The following NAALADL2 variants were observed in gnomAD, a reference collection of about 807,000 sequenced individuals.
NAALADL2 encodes N-acetylated alpha-linked acidic dipeptidase like 2.
A neutral mutation model predicts 87.2 loss-of-function variants in NAALADL2; 76 were observed. The observed-to-expected ratio is 0.87, with a 90% CI of 0.72 to 1.05. NAALADL2 has a LOEUF of 1.05. NAALADL2 is among the 50% of genes least tolerant of loss of function. NAALADL2 has a pLI of 0.00. For missense variants in NAALADL2, 1,089 were observed against 945.8 expected (o/e 1.15, Z -1.99); for synonymous variants, 354 against 331.0 (o/e 1.07, Z -0.75).
At chr3:175,013,301 A>ATGTATATATATATATTTTTTTTTTT (rs1553916905) in intron 1 of NAALADL2, among the ~76,000 whole-genome samples, 1 of 72,066 alleles carries the variant, frequency 1.4e-5, no homozygotes, top group Non-Finnish European at 2.4e-5. Flanking sequence ...ATATATATAT[A>ATGTATATATATATATTTTTTTTTTT]TTTTTTTTTT....
intron 2 of NAALADL2, among the ~76,000 whole-genome samples, chr3:174,705,166 C>T (rs183883108): frequency 5.9e-4 from 90 of 152,198 alleles, no homozygotes; most frequent in African/African-American, 2.1e-3. Context: ...ACACACACAC[C>T]CCACTCACTC....
chr3:175,687,257 A>G (rs1736423286), intron 11 of NAALADL2, among the ~76,000 whole-genome samples: 1 of 152,194 alleles, frequency 6.6e-6, no homozygotes, highest in African/African-American at 2.4e-5. Flanking sequence ...GATTATAATT[A>G]ATGAAAATAA....
chr3:174,822,306 C>A (rs1336187812), intron 3 of NAALADL2, among the ~76,000 whole-genome samples: 1 of 152,092 alleles, frequency 6.6e-6, no homozygotes, highest in East Asian at 1.9e-4. Flanking sequence ...GGAGCTGGTC[C>A]ATTCTCAGAT....
At chr3:175,173,309 AAAAT>A (rs55984097) in intron 2 of NAALADL2, among the ~76,000 whole-genome samples, 48,274 of 138,234 alleles carry the variant, frequency 0.35, 9,404 homozygotes, top group East Asian at 0.51. Context: ...ATAAATAAAT[AAAAT>A]AAATAAATAA....
chr3:174,797,840 T>C (rs933635940), intron 3 of NAALADL2, among the ~76,000 whole-genome samples: 2 of 152,208 alleles, frequency 1.3e-5, no homozygotes, highest in Non-Finnish European at 2.9e-5. Context: ...TTTTTTCATG[T>C]ATTATTTGAA....
intron 5 of NAALADL2, among the ~76,000 whole-genome samples, chr3:175,372,504 T>A (rs1766637104): frequency 6.6e-6 from 1 of 152,214 alleles, no homozygotes; most frequent in African/African-American, 2.4e-5. Flanking sequence ...TCTCTGTCTT[T>A]TCCTCATGGT....
intron 1 of NAALADL2, among the ~76,000 whole-genome samples, chr3:174,481,515 AG>A (rs1444561391): frequency 1.3e-5 from 2 of 152,094 alleles, no homozygotes; most frequent in Non-Finnish European, 2.9e-5. Flanking sequence ...AAGTCTACAC[AG>A]CCAAATTACA....
intron 4 of NAALADL2, among the ~76,000 whole-genome samples, chr3:175,279,722 G>A (rs1754025963): frequency 6.6e-6 from 1 of 151,674 alleles, no homozygotes; most frequent in Non-Finnish European, 1.5e-5. Flanking sequence ...AGGCCAGCAT[G>A]ATTTTTAAAA....
At chr3:175,447,903 C>T (rs554011654) in intron 6 of NAALADL2, among the ~76,000 whole-genome samples, 7 of 152,150 alleles carry the variant, frequency 4.6e-5, no homozygotes, top group Non-Finnish European at 1.0e-4. Flanking sequence ...AGTTAAGCTA[C>T]CTGTGGAGGG....
At chr3:175,219,826 G>T (rs1342718876) in intron 2 of NAALADL2, among the ~76,000 whole-genome samples, 6 of 147,106 alleles carry the variant, frequency 4.1e-5, no homozygotes, top group African/African-American at 1.5e-4. Flanking sequence ...AATTGCTGAA[G>T]TCTTTTAAAA....
intron 1 of NAALADL2, among the ~76,000 whole-genome samples, chr3:175,087,255 C>T (rs115953256): frequency 5.5e-4 from 83 of 152,136 alleles, no homozygotes; most frequent in African/African-American, 1.7e-3. Context: ...AGCCCCTGCC[C>T]GGCCAGCTGC....
At chr3:174,972,533 C>G (rs1356262502) in intron 1 of NAALADL2, among the ~76,000 whole-genome samples, 4 of 152,068 alleles carry the variant, frequency 2.6e-5, no homozygotes, top group African/African-American at 9.7e-5. Flanking sequence ...AGACATTAGT[C>G]AACTGTATTA....
At chr3:175,079,927 C>G (rs2109227062) in intron 1 of NAALADL2, among the ~76,000 whole-genome samples, 1 of 152,106 alleles carries the variant, frequency 6.6e-6, no homozygotes, top group African/African-American at 2.4e-5. Context: ...ATAAGAATTG[C>G]CATACTCTAA....
At chr3:175,081,612 G>A (rs1183804300) in intron 1 of NAALADL2, among the ~76,000 whole-genome samples, 1 of 152,006 alleles carries the variant, frequency 6.6e-6, no homozygotes, top group African/African-American at 2.4e-5. Flanking sequence ...TCACTTCACT[G>A]ACTCCTACAT....
chr3:175,059,529 C>T (rs79590620), intron 1 of NAALADL2: 21,904 of 252,528 alleles, frequency 0.087, 1,273 homozygotes, highest in East Asian at 0.21. Flanking sequence ...TAGACTAAGC[C>T]GTCTGCTTGA....
chr3:174,830,129 C>T (rs1722495176), intron 3 of NAALADL2, among the ~76,000 whole-genome samples: 1 of 131,074 alleles, frequency 7.6e-6, no homozygotes, highest in South Asian at 2.8e-4. Flanking sequence ...AATTAGATCC[C>T]ATTTGTCAAT....
At chr3:175,226,144 C>G (rs1744122260) in intron 2 of NAALADL2, among the ~76,000 whole-genome samples, 1 of 152,028 alleles carries the variant, frequency 6.6e-6, no homozygotes, top group Non-Finnish European at 1.5e-5. Flanking sequence ...ACTTGTAGAG[C>G]AGGCAGATAT....
chr3:174,515,774 A>G, intron 1 of NAALADL2, among the ~76,000 whole-genome samples: 1 of 151,920 alleles, frequency 6.6e-6, no homozygotes, highest in East Asian at 1.9e-4. Flanking sequence ...TGGCAACATT[A>G]TTGACAACAG....
intron 2 of NAALADL2, among the ~76,000 whole-genome samples, chr3:174,585,795 A>G (rs1204951028): frequency 6.6e-6 from 1 of 152,222 alleles, no homozygotes; most frequent in Non-Finnish European, 1.5e-5. Context: ...TTCATGTTGA[A>G]TAGTCTTCCA....
Sources: gnomAD v4.1 joint callset for allele counts (sites outside exome capture counted in the v4.1 genomes callset) on GRCh38, gnomAD v4.1.1 for gene constraint, MANE v1.5 for transcripts, NCBI Gene and HGNC (gene_info 2026-07-23, HGNC 2026-07-21) for gene names.